The following FSTL1 variants were observed in gnomAD, a reference collection of about 807,000 sequenced individuals.
The protein encoded by FSTL1 is follistatin like 1, also known as follistatin-related protein 1.
Under a neutral mutation model 45.9 loss-of-function variants are expected in FSTL1, and 24 were observed. That is an observed-to-expected ratio of 0.52 (90% CI 0.38 to 0.74). The LOEUF is 0.74. Ranked by LOEUF, FSTL1 falls within the 30% of genes least tolerant of loss-of-function variation. FSTL1 has a pLI of 0.00. For synonymous variants in FSTL1, 120 were observed against 137.6 expected (o/e 0.87, Z 0.89); for missense variants, 340 against 381.8 (o/e 0.89, Z 0.91).
chr3:120,397,068 ACTATATAG>A, intron 10 of FSTL1, 72 bp from the exon 11 acceptor site: 1 of 1,177,688 alleles, frequency 8.5e-7, no homozygotes, highest in Non-Finnish European at 1.3e-6. Context: ...GTTCCTCAAG[ACTATATAG>A]CATTGGCATT....
At chr3:120,409,146 C>T (rs951130121) in intron 6 of FSTL1, among the ~76,000 whole-genome samples, 1 of 152,176 alleles carries the variant, frequency 6.6e-6, no homozygotes, top group African/African-American at 2.4e-5. Flanking sequence ...AAATGTCAAA[C>T]TAGGCAGGAA....
At chr3:120,437,527 G>A (rs1160750141) in intron 2 of FSTL1, among the ~76,000 whole-genome samples, 1 of 152,140 alleles carries the variant, frequency 6.6e-6, no homozygotes, top group East Asian at 1.9e-4. Context: ...ATAGGGAGAT[G>A]GCCATGTTCT....
At chr3:120,409,462 A>T (rs202111551) in intron 6 of FSTL1, 70 bp downstream of exon 6, 1 of 1,380,666 alleles carries the variant, frequency 7.2e-7, no homozygotes. Context: ...GGAAGGTGTG[A>T]TCGGGCAATG....
rs1057138040 is a variant in FSTL1 at position 120,395,381 on chromosome 3, C to T, written c.*1571G>A. 1 of 317,120 alleles carries T rather than the reference C, an allele frequency of 3.2e-6. No homozygotes were observed. The highest frequency in any genetic ancestry group is 9.5e-5 in the East Asian group (1 of 10,520). 19.6% of individuals were successfully genotyped at this position (317,120 alleles called of 1,614,324 possible). ...ACAGGACTAACTGTAAATGACTGAC[C>T]TCCCCAAGTCACAGTTTTAGGATTA... is the stretch of plus-strand genomic sequence containing the variant. On this transcript the variant is annotated 3_prime_UTR_variant, in exon 11 of 11. Transcript: ENST00000295633.
intron 2 of FSTL1, among the ~76,000 whole-genome samples, chr3:120,428,772 C>CAAA (rs869201836): frequency 1.4e-5 from 2 of 148,056 alleles, no homozygotes; most frequent in Non-Finnish European, 3.0e-5. Flanking sequence ...ACAACAACAA[C>CAAA]AAAAAACAGG....
At chr3:120,449,377 A>G (rs181522738) in intron 2 of FSTL1, among the ~76,000 whole-genome samples, 8 of 152,302 alleles carry the variant, frequency 5.3e-5, no homozygotes, top group African/African-American at 1.9e-4. Context: ...TTGTGCTTGG[A>G]AGTGGTGTGG....
chr3:120,436,108 A>T (rs1280751759), intron 2 of FSTL1, among the ~76,000 whole-genome samples: 1 of 98,502 alleles, frequency 1.0e-5, no homozygotes, highest in South Asian at 4.3e-4. Context: ...AAACAAAAAC[A>T]ACCCCAACAT....
At chr3:120,448,608 A>G (rs1266558913) in intron 2 of FSTL1, among the ~76,000 whole-genome samples, 1 of 152,186 alleles carries the variant, frequency 6.6e-6, no homozygotes, top group African/African-American at 2.4e-5. Flanking sequence ...AACCATTTCC[A>G]TACACTGTGA....
At chr3:120,411,637 A>T (rs570029851) in intron 4 of FSTL1, among the ~76,000 whole-genome samples, 7 of 152,362 alleles carry the variant, frequency 4.6e-5, no homozygotes, top group African/African-American at 1.7e-4. Context: ...TGGGGATCTG[A>T]TATAGCAAAC....
chr3:120,443,659 C>A (rs936339144), intron 2 of FSTL1, among the ~76,000 whole-genome samples: 1 of 149,614 alleles, frequency 6.7e-6, no homozygotes, highest in Non-Finnish European at 1.5e-5. Flanking sequence ...TCTGGGCCTG[C>A]AACATGTGAT....
intron 10 of FSTL1, among the ~76,000 whole-genome samples, chr3:120,399,608 T>G (rs1936777140): frequency 6.6e-6 from 1 of 152,228 alleles, no homozygotes; most frequent in Admixed American, 6.5e-5. Context: ...CACTTCCACC[T>G]CATTTGCAAA....
At position 120,409,586 on chromosome 3, in the gene FSTL1, A is replaced by C. The variant is rs764301109; in HGVS notation, c.408T>G (p.Asp136Glu). ...IQWLEAEIIP[D>E]GWFSKGSNYS... Reference sequence around the variant, plus strand: ...AGTTGCTGCCTTTAGAGAACCAGCCATCTGGAATGATCTCAGCTTCCAGCC... The same window carrying C: ...AGTTGCTGCCTTTAGAGAACCAGCCCTCTGGAATGATCTCAGCTTCCAGCC... The change falls in exon 6 of 11, where the codon GAT (aspartate) becomes GAG (glutamate). Residue 136 changes from aspartate (D) to glutamate (E), a missense_variant. Physicochemically the swap from Asp to Glu is conservative, Grantham distance 45. Transcript: ENST00000295633. The C allele has an allele frequency of 2.5e-5, 40 of 1,613,744 alleles. No individual in the cohort carries two copies. The Admixed American group carries it at 6.5e-4, about 26-fold the overall frequency.
At chr3:120,449,165 G>A (rs542850576) in intron 2 of FSTL1, among the ~76,000 whole-genome samples, 7 of 152,332 alleles carry the variant, frequency 4.6e-5, no homozygotes, top group African/African-American at 1.7e-4. Flanking sequence ...AAGAGAGGTA[G>A]GTTCAGATCC....
chr3:120,418,691 C>T (rs1184323378), intron 2 of FSTL1, among the ~76,000 whole-genome samples: 1 of 152,182 alleles, frequency 6.6e-6, no homozygotes, highest in Non-Finnish European at 1.5e-5. Flanking sequence ...CCACATCCCA[C>T]CTCTATTCCT....
At position 120,418,374 on chromosome 3, in the gene FSTL1, G is replaced by A. The variant is rs144194558; in HGVS notation, c.64-2347C>T. ...ATTCCAACTCGTATCTTCAACCACTGATAACTAAACTCCCATTTATAAATA... is the reference window on the plus strand; with the variant it reads ...ATTCCAACTCGTATCTTCAACCACTAATAACTAAACTCCCATTTATAAATA... On this transcript the variant is annotated intron_variant, in intron 2 of 10. Coordinates refer to ENST00000295633, the MANE Select transcript of FSTL1 (RefSeq NM_007085.5). Among the ~76,000 whole-genome samples, 578 of 152,198 alleles carry A rather than the reference G, an allele frequency of 3.8e-3. 1 individual carries two copies. Among genetic ancestry groups the A allele is most frequent in the Non-Finnish European group, 6.2e-3 (421 of 67,990 alleles).
At position 120,409,645 on chromosome 3, in the gene FSTL1, T is replaced by C. The variant is rs1466503077; in HGVS notation, c.349A>G (p.Asn117Asp). The C allele has an allele frequency of 6.2e-7, 1 of 1,614,012 alleles. No homozygotes were observed. The highest frequency in any genetic ancestry group is 1.3e-5 in the African/African-American group (1 of 74,928). ...ATGCGACGTCGGAGCTCATCACGGT[T>C]GGACTGATAGCAAACAACTGCAGGA... Reference protein sequence around the residue: ...SASPVVCYQSNRDELRRRIIQ... With the variant: ...SASPVVCYQSDRDELRRRIIQ... The change falls in exon 6 of 11, where the codon AAC becomes GAC. Residue 117 changes from asparagine (N) to aspartate (D), a missense_variant. By Grantham distance (23) the Asn-to-Asp change is conservative. Coordinates refer to ENST00000295633, the MANE Select transcript of FSTL1 (RefSeq NM_007085.5).
At chr3:120,414,413 G>A (rs1274798796) in intron 3 of FSTL1, among the ~76,000 whole-genome samples, 7 of 149,500 alleles carry the variant, frequency 4.7e-5, no homozygotes, top group South Asian at 4.3e-4. Context: ...CTGAGATGTG[G>A]GGAGCGCCTC....
At chr3:120,440,147 A>C (rs560128028) in intron 2 of FSTL1, among the ~76,000 whole-genome samples, 41 of 152,138 alleles carry the variant, frequency 2.7e-4, no homozygotes, top group South Asian at 1.0e-3. Context: ...ACAAAAAAAA[A>C]CCCCCAAAAC....
Position 120,443,105 on chromosome 3 carries a change from A to T in FSTL1, c.63+7579T>A, listed in dbSNP as rs78679754. Among the ~76,000 whole-genome samples, 22 of 142,258 alleles carry T rather than the reference A, an allele frequency of 1.5e-4. 3 individuals are homozygous for T. The highest frequency in any genetic ancestry group is 7.3e-4 in the South Asian group (3 of 4,084). 93.3% of individuals were successfully genotyped at this position (142,258 alleles called of 152,430 possible). A position where few individuals can be genotyped will look rare whatever the true frequency, so the allele number is the denominator to read the frequency against. The stretch of plus-strand genomic sequence containing the variant: ...ACTTAAAGTATAATAATAATAAATT[A>T]AAAAAAAAAGTTCCACACAAAAAGC... On this transcript the variant is annotated intron_variant, in intron 2 of 10. Transcript: ENST00000295633.
Sources: gnomAD v4.1 joint callset for allele counts (sites outside exome capture counted in the v4.1 genomes callset) on GRCh38, gnomAD v4.1.1 for gene constraint, MANE v1.5 for transcripts, NCBI Gene and HGNC (gene_info 2026-07-23, HGNC 2026-07-21) for gene names.